The following TJP1 variants were observed in gnomAD, a reference collection of about 807,000 sequenced individuals.
TJP1 encodes tight junction protein 1, also known as tight junction protein ZO-1.
TJP1 carries 43 observed loss-of-function variants against 194.2 expected under a neutral mutation model. That is an observed-to-expected ratio of 0.22 (90% CI 0.17 to 0.29). The LOEUF (loss-of-function observed/expected upper bound fraction) is 0.29. TJP1 is among the 10% of genes least tolerant of loss of function. The pLI, the probability that TJP1 is intolerant of heterozygous loss-of-function variation, is 1.00. For synonymous variants in TJP1, 801 were observed against 779.0 expected (o/e 1.03, Z -0.47); for missense variants, 1,971 against 2,185.7 (o/e 0.90, Z 1.96).
At chr15:29,723,907 TCCCTGAAGA>T (rs2043083922) in intron 18 of TJP1, among the ~76,000 whole-genome samples, 1 of 152,098 alleles carries the variant, frequency 6.6e-6, no homozygotes, top group African/African-American at 2.4e-5. Context: ...AAAAGAACAC[TCCCTGAAGA>T]CCCTGCCTAG....
chr15:29,806,303 A>T (rs1354621649), intron 1 of TJP1, among the ~76,000 whole-genome samples: 1 of 152,168 alleles, frequency 6.6e-6, no homozygotes, highest in African/African-American at 2.4e-5. Flanking sequence ...GACAATGAGG[A>T]TACATGAAAA....
chr15:29,700,454 A>T lies in TJP1; in HGVS notation c.*1141T>A, dbSNP rs1359764966. 5 of 397,834 alleles carry T rather than the reference A, an allele frequency of 1.3e-5. No individual in the cohort carries two copies. The highest frequency in any genetic ancestry group is 4.1e-5 in the African/African-American group (2 of 48,492). 24.6% of individuals were successfully genotyped at this position (397,834 alleles called of 1,614,324 possible). On this transcript the variant is annotated 3_prime_UTR_variant, in exon 28 of 28. Coordinates refer to ENST00000614355, the MANE Select transcript of TJP1 (RefSeq NM_001330239.4). ...AACAACTCTGTGCATCCTTTTTCTT[A>T]AAAAAAATGACCTTGCATGTGTCAT... is the stretch of plus-strand genomic sequence containing the variant.
chr15:29,764,092 C>T (rs543951503), intron 5 of TJP1, among the ~76,000 whole-genome samples: 1 of 152,192 alleles, frequency 6.6e-6, no homozygotes, highest in Non-Finnish European at 1.5e-5. Context: ...GAGAAAGCAG[C>T]AAATGAGATA....
chr15:29,786,938 T>C (rs1165395739), intron 2 of TJP1, among the ~76,000 whole-genome samples: 2 of 152,170 alleles, frequency 1.3e-5, no homozygotes, highest in African/African-American at 4.8e-5. Flanking sequence ...TTCACATGGT[T>C]AACACCTACT....
At chr15:29,773,448 A>T in intron 2 of TJP1, 91 bp from the exon 3 acceptor site, 1 of 1,276,810 alleles carries the variant, frequency 7.8e-7, no homozygotes, top group East Asian at 2.4e-5. Flanking sequence ...AAAATATAAA[A>T]ATTACAATCT....
chr15:29,726,260 CT>C, intron 18 of TJP1, 118 bp downstream of exon 18: 4 of 862,486 alleles, frequency 4.6e-6, no homozygotes, highest in Non-Finnish European at 1.8e-6. Context: ...TAAAAGCTAA[CT>C]TTCCCCAAAT....
chr15:29,769,764 G>C (rs2046538687), intron 4 of TJP1, among the ~76,000 whole-genome samples: 2 of 152,186 alleles, frequency 1.3e-5, no homozygotes, highest in African/African-American at 4.8e-5. Context: ...TGTAAACAAA[G>C]CTACTATGCT....
At chr15:29,916,325 T>A (rs1179898200) in intron 2 of TJP1, among the ~76,000 whole-genome samples, 1 of 151,906 alleles carries the variant, frequency 6.6e-6, no homozygotes, top group African/African-American at 2.4e-5. Flanking sequence ...TCTCTAGCAT[T>A]TTTGTAAGGT....
intron 2 of TJP1, among the ~76,000 whole-genome samples, chr15:29,893,539 A>G (rs1004833819): frequency 1.3e-5 from 2 of 152,204 alleles, no homozygotes; most frequent in African/African-American, 4.8e-5. Flanking sequence ...AAATTGTCAC[A>G]GCACCTCAAC....
intron 2 of TJP1, among the ~76,000 whole-genome samples, chr15:29,943,628 C>CA (rs71103417): frequency 0.071 from 3,588 of 50,212 alleles, 178 homozygotes; most frequent in Middle Eastern, 0.12. Flanking sequence ...GACTCCATCT[C>CA]AAAAAAAAAA....
At chr15:29,773,085 A>T in intron 3 of TJP1, 148 bp downstream of exon 3, 3 of 921,278 alleles carry the variant, frequency 3.3e-6, no homozygotes, top group Non-Finnish European at 4.6e-6. Flanking sequence ...CTCTTAATAT[A>T]TGTTAATTTA....
chr15:29,713,647 A>G (rs963424362), intron 23 of TJP1, among the ~76,000 whole-genome samples: 5 of 152,198 alleles, frequency 3.3e-5, no homozygotes, highest in African/African-American at 1.2e-4. Flanking sequence ...ATTTTAAGCT[A>G]TTTTCCAGTT....
chr15:29,784,519 G>A (rs2047575198), intron 2 of TJP1, among the ~76,000 whole-genome samples: 1 of 152,048 alleles, frequency 6.6e-6, no homozygotes, highest in African/African-American at 2.4e-5. Context: ...GGCCAGGCTT[G>A]TCTCGAACTC....
At chr15:29,771,840 C>G (rs1438297927) in intron 4 of TJP1, among the ~76,000 whole-genome samples, 1 of 152,054 alleles carries the variant, frequency 6.6e-6, no homozygotes, top group African/African-American at 2.4e-5. Context: ...TTAACTGTCC[C>G]CTTTCCTTTT....
intron 8 of TJP1, chr15:29,760,453 G>A (rs2045930613): frequency 1.3e-5 from 7 of 542,238 alleles, no homozygotes; most frequent in Non-Finnish European, 2.3e-5. Flanking sequence ...TCGGCTCACT[G>A]CAACCTCCGC....
intron 2 of TJP1, among the ~76,000 whole-genome samples, chr15:29,949,871 ACCT>A: frequency 1.1e-5 from 1 of 93,422 alleles, no homozygotes; most frequent in Admixed American, 1.2e-4. Flanking sequence ...CACCACCTCC[ACCT>A]CCACAACCAC....
chr15:29,865,479 T>C (rs543860343), intron 2 of TJP1, among the ~76,000 whole-genome samples: 20 of 152,210 alleles, frequency 1.3e-4, no homozygotes, highest in Non-Finnish European at 2.6e-4. Context: ...GAAGGAAAGT[T>C]GCCATATCTC....
intron 23 of TJP1, among the ~76,000 whole-genome samples, chr15:29,713,289 C>T: frequency 6.6e-6 from 1 of 152,210 alleles, no homozygotes; most frequent in East Asian, 1.9e-4. Flanking sequence ...AGGGACACTG[C>T]TCTTCTTGCA....
At chr15:29,767,046 T>C (rs190687439) in intron 4 of TJP1, among the ~76,000 whole-genome samples, 52 of 152,324 alleles carry the variant, frequency 3.4e-4, no homozygotes, top group Admixed American at 9.8e-4. Flanking sequence ...CATTCAATAA[T>C]ATGTTGGAGC....
Sources: gnomAD v4.1 joint callset for allele counts (sites outside exome capture counted in the v4.1 genomes callset) on GRCh38, gnomAD v4.1.1 for gene constraint, MANE v1.5 for transcripts, NCBI Gene and HGNC (gene_info 2026-07-23, HGNC 2026-07-21) for gene names.